Variants in ABCG8 observed in about 807,000 individuals in gnomAD.
ABCG8 encodes the protein ATP-binding cassette sub-family G member 8.
Under a neutral mutation model 71.3 loss-of-function variants are expected in ABCG8, and 81 were observed. That is an observed-to-expected ratio of 1.14 (90% CI 0.95 to 1.37). The LOEUF (loss-of-function observed/expected upper bound fraction) is 1.37. Ranked by LOEUF, ABCG8 falls within the 40% of genes most tolerant of loss-of-function variation. ABCG8 has a pLI of 0.00. For synonymous variants in ABCG8, 451 were observed against 354.7 expected, an observed-to-expected ratio of 1.27 and a Z score of -3.05; for missense variants, 1,119 against 866.2, an observed-to-expected ratio of 1.29 and a Z score of -3.66.
At chr2:43,875,604 C>T (rs547241060) in intron 11 of ABCG8, among the ~76,000 whole-genome samples, 191 bp downstream of exon 11, 2 of 152,360 alleles carry the variant, frequency 1.3e-5, no homozygotes, top group Admixed American at 6.5e-5. Flanking sequence ...AGATGCACCT[C>T]CTCCTATCCC....
At chr2:43,849,180 G>A (rs1422098851) in intron 3 of ABCG8, among the ~76,000 whole-genome samples, 2 of 152,110 alleles carry the variant, frequency 1.3e-5, no homozygotes, top group African/African-American at 4.8e-5. Context: ...AATGCCAGTG[G>A]GTGTTTTGTC....
intron 8 of ABCG8, among the ~76,000 whole-genome samples, chr2:43,873,031 T>C (rs1669834839): frequency 6.6e-6 from 1 of 152,074 alleles, no homozygotes; most frequent in Non-Finnish European, 1.5e-5. Context: ...TTCTTTTCAC[T>C]TAGGGCAGCA....
intron 1 of ABCG8, among the ~76,000 whole-genome samples, 179 bp from the exon 2 acceptor site, chr2:43,844,328 C>T (rs1009479322): frequency 1.3e-5 from 2 of 152,194 alleles, no homozygotes; most frequent in African/African-American, 2.4e-5. Context: ...GGGCCCTTGT[C>T]AGCACTCCTA....
At chr2:43,874,370 A>T (rs779577624) in intron 9 of ABCG8, 37 bp from the exon 10 acceptor site, 2 of 1,456,900 alleles carry the variant, frequency 1.4e-6, no homozygotes, top group Non-Finnish European at 1.9e-6. Flanking sequence ...GATTTATTCT[A>T]CTTCTTCATT....
chr2:43,852,423 CG>C lies in ABCG8; in HGVS notation c.636del (p.Leu213CysfsTer40). 2 of 1,612,606 alleles carry C rather than the reference CG, an allele frequency of 1.2e-6. No homozygotes were observed. Among genetic ancestry groups the C allele is most frequent in the Non-Finnish European group, 1.7e-6 (2 of 1,179,982 alleles). On this transcript the variant is annotated frameshift_variant, in exon 5 of 13. Coordinates refer to ENST00000272286, the MANE Select transcript of ABCG8 (RefSeq NM_022437.3). LOFTEE classifies it high-confidence loss of function. ...CACCCGCGTGGGCAACATGTACGTGCGGGGGTTGTCGGGGGGTGAGCGCAGG... is the reference window on the plus strand; with the variant it reads ...CACCCGCGTGGGCAACATGTACGTGCGGGGTTGTCGGGGGGTGAGCGCAGG... ...ADTRVGNMYV[R>X]GLSGGERRRV... is the part of the protein sequence containing the mutation.
chr2:43,856,100 G>C (rs534440215), intron 6 of ABCG8, among the ~76,000 whole-genome samples: 12 of 151,662 alleles, frequency 7.9e-5, no homozygotes, highest in African/African-American at 2.9e-4. Context: ...CTAACTATCT[G>C]TATAGAATTC....
rs1355925633 is a variant in ABCG8, at chr2:43,875,067, G to C, written c.1489-79G>C. 3.1e-6 allele frequency: 5 copies of C among 1,592,564 alleles called. No homozygotes were observed. In the Admixed American group the frequency reaches 6.7e-5, roughly 21 times the overall value. ...CAGGAGGGAAGGTTGCTATCTGGGG[G>C]CACTGCTACTTTTAAACGTTTATAA... is the stretch of plus-strand genomic sequence containing the variant. On this transcript the variant is annotated intron_variant, in intron 10 of 12. Transcript: ENST00000272286.
At chr2:43,867,201 TG>T (rs1433964923) in intron 6 of ABCG8, among the ~76,000 whole-genome samples, 4 of 56,836 alleles carry the variant, frequency 7.0e-5, no homozygotes, top group African/African-American at 7.2e-5. Context: ...TGTTGTGGGG[TG>T]GGGGGAGGGG....
chr2:43,868,359 A>T (rs1669610204), intron 6 of ABCG8, among the ~76,000 whole-genome samples: 2 of 150,672 alleles, frequency 1.3e-5, no homozygotes, highest in African/African-American at 4.9e-5. Context: ...TCTGGATAGA[A>T]CTCTCAGTAT....
At position 43,872,044 on chromosome 2, in the gene ABCG8, C is replaced by G. The variant is rs770976468; in HGVS notation, c.1033C>G (p.Leu345Val). ...GGCCACCAGGGAGAAGGCTCAGTCA[C>G]TCGCAGCCCTGTTTCTAGAAAAAGT... The part of the protein sequence containing the change: ...ELATREKAQS[L>V]AALFLEKVRD... The change falls in exon 7 of 13, where the codon CTC (leucine) becomes GTC (valine). Residue 345 changes from leucine to valine, a missense_variant. Transcript: ENST00000272286. The G allele has an allele frequency of 1.2e-6, 2 of 1,614,112 alleles. No individual in the cohort carries two copies. Among genetic ancestry groups the G allele is most frequent in the Non-Finnish European group, 8.5e-7 (1 of 1,180,040 alleles).
intron 1 of ABCG8, among the ~76,000 whole-genome samples, chr2:43,843,067 C>T (rs1036305718): frequency 2.0e-5 from 3 of 152,228 alleles, no homozygotes; most frequent in Non-Finnish European, 4.4e-5. Context: ...TCACCTACAG[C>T]ATGTGCGTGC....
intron 6 of ABCG8, among the ~76,000 whole-genome samples, chr2:43,863,696 ATCTG>A (rs1195722954): frequency 2.6e-5 from 4 of 151,008 alleles, no homozygotes; most frequent in Admixed American, 6.6e-5. Context: ...AACTCTCACT[ATCTG>A]TCTGGATAGA....
intron 1 of ABCG8, among the ~76,000 whole-genome samples, chr2:43,841,979 G>C (rs1362999553): frequency 2.0e-5 from 3 of 151,926 alleles, no homozygotes; most frequent in Non-Finnish European, 4.4e-5. Context: ...CAAGATGCAT[G>C]TTAGCCCACA....
intron 6 of ABCG8, among the ~76,000 whole-genome samples, chr2:43,858,932 C>G (rs1323809353): frequency 6.6e-6 from 1 of 151,322 alleles, no homozygotes; most frequent in African/African-American, 2.4e-5. Flanking sequence ...ACAACTCTCA[C>G]TGTCTATCTG....
At chr2:43,841,504 A>G (rs1668580112) in intron 1 of ABCG8, among the ~76,000 whole-genome samples, 1 of 152,214 alleles carries the variant, frequency 6.6e-6, no homozygotes, top group South Asian at 2.1e-4. Context: ...GGAGCCAAGG[A>G]AAATATTTTA....
rs1162831557 is a variant in ABCG8, at chr2:43,872,144, G to A, written c.1127+6G>A. The A allele has an allele frequency of 6.2e-7, 1 of 1,614,096 alleles. No individual in the cohort carries two copies. The highest frequency in any genetic ancestry group is 1.1e-5 in the South Asian group (1 of 91,078). On this transcript the variant is annotated splice_donor_region_variant and intron_variant, in intron 7 of 12. Coordinates refer to ENST00000272286, the MANE Select transcript of ABCG8 (RefSeq NM_022437.3). ...GAGGACACCTGTGTGGAAAGGTAAG[G>A]TGGCAGGCGACTCTGAGAGGAGAGC... is the stretch of plus-strand genomic sequence containing the variant.
intron 1 of ABCG8, among the ~76,000 whole-genome samples, chr2:43,842,778 C>A (rs948156241): frequency 8.2e-6 from 1 of 121,834 alleles, no homozygotes; most frequent in South Asian, 3.2e-4. Flanking sequence ...TTATCTTTCC[C>A]ATTTTTTTCT....
intron 4 of ABCG8, 107 bp downstream of exon 4, chr2:43,851,929 T>G: frequency 7.7e-7 from 1 of 1,302,412 alleles, no homozygotes; most frequent in African/African-American, 1.4e-5. Context: ...AGGTCGAGTT[T>G]GAACAACTCA....
Position 43,875,380 on chromosome 2 carries a change from G to A in ABCG8, c.1723G>A (p.Gly575Ser). The A allele has an allele frequency of 6.2e-7, 1 of 1,614,102 alleles. No homozygotes were observed. The highest frequency in any genetic ancestry group is 8.5e-7 in the Non-Finnish European group (1 of 1,180,042). The change falls in exon 11 of 13, where the codon GGC becomes AGC. Residue 575 changes from glycine to serine, a missense_variant. Transcript: ENST00000272286. ...ALYNSFYLAG[G>S]FMINLSSLWT... is the part of the protein sequence containing the mutation. ...CTACAACTCCTTCTACCTCGCCGGG[G>A]GCTTCATGATAAACTTGAGCAGCCT...
Sources: allele counts gnomAD v4.1 joint callset (sites outside exome capture counted in the v4.1 genomes callset), GRCh38; gene constraint gnomAD v4.1.1; transcripts MANE v1.5; gene names NCBI Gene and HGNC (gene_info 2026-07-23, HGNC 2026-07-21).